Variants in ITPR2 observed in about 807,000 individuals in gnomAD.
ITPR2 encodes inositol 1,4,5-trisphosphate-gated calcium channel ITPR2.
Under a neutral mutation model 317.1 loss-of-function variants are expected in ITPR2, and 207 were observed. The ratio of observed to expected loss-of-function variants is 0.65; its 90% CI spans 0.58 to 0.73. The LOEUF (loss-of-function observed/expected upper bound fraction) is 0.73. ITPR2 is among the 30% of genes least tolerant of loss of function. ITPR2 has a pLI of 0.00. For synonymous variants in ITPR2, 1,156 were observed against 1,149.1 expected, an observed-to-expected ratio of 1.01 and a Z score of -0.12; for missense variants, 2,613 against 3,284.0, an observed-to-expected ratio of 0.80 and a Z score of 4.99.
At chr12:26,572,993 TTTCATTTA>T (rs1565613017) in intron 34 of ITPR2, among the ~76,000 whole-genome samples, 1 of 150,764 alleles carries the variant, frequency 6.6e-6, no homozygotes, top group African/African-American at 2.4e-5. Flanking sequence ...GAAACTTGGA[TTTCATTTA>T]TTTATTTATT....
intron 1 of ITPR2, among the ~76,000 whole-genome samples, chr12:26,820,088 G>A (rs1950916621): frequency 6.6e-6 from 1 of 151,946 alleles, no homozygotes; most frequent in Admixed American, 6.6e-5. Context: ...AAAAGAAAAG[G>A]CCATGTACAT....
At chr12:26,497,868 G>A (rs960532938) in intron 37 of ITPR2, among the ~76,000 whole-genome samples, 9 of 152,062 alleles carry the variant, frequency 5.9e-5, no homozygotes, top group South Asian at 4.2e-4. Context: ...ACACCACCAC[G>A]CCTGGCTAAT....
At position 26,340,246 on chromosome 12, in the gene ITPR2, C is replaced by T. The variant is rs1403197018; in HGVS notation, c.7940G>A (p.Arg2647Gln). 3 of 1,611,806 alleles carry T rather than the reference C, an allele frequency of 1.9e-6. No individual in the cohort carries two copies. Among genetic ancestry groups the T allele is most frequent in the Admixed American group, 1.7e-5 (1 of 59,688 alleles). Residue 2647 changes from arginine (R) to glutamine (Q), a missense_variant, in exon 56 of 57, where the codon CGG (arginine) becomes CAG (glutamine). Arg to Gln is a conservative substitution (Grantham distance 43, BLOSUM62 1). Coordinates refer to ENST00000381340, the MANE Select transcript of ITPR2 (RefSeq NM_002223.4). ...NEGDSEQNEI[R>Q]SLQEKLESTM... ...CGATTCCAACTTCTCCTGAAGGCTC[C>T]GAATTTCATTTTGCTCACTGTCGCC...
At chr12:26,423,505 T>C (rs1488687101) in intron 49 of ITPR2, among the ~76,000 whole-genome samples, 1 of 152,136 alleles carries the variant, frequency 6.6e-6, no homozygotes, top group Non-Finnish European at 1.5e-5. Context: ...AAAATCATTG[T>C]AGGTAAGAAG....
At chr12:26,736,451 G>T (rs1229639964) in intron 2 of ITPR2, among the ~76,000 whole-genome samples, 1 of 152,066 alleles carries the variant, frequency 6.6e-6, no homozygotes, top group East Asian at 1.9e-4. Context: ...TATAAGGTCA[G>T]AAAAAAGTCA....
Position 26,763,551 on chromosome 12 carries a change from C to T in ITPR2, c.163+26606G>A, listed in dbSNP as rs114556643. On this transcript the variant is annotated intron_variant, in intron 2 of 56. Transcript: ENST00000381340. Reference sequence around the variant, plus strand: ...GATAGTAGTTATCTTTGTGGTGAAACGGGGGCTTCTAAGTTACTTGCAAGT... The same window carrying T: ...GATAGTAGTTATCTTTGTGGTGAAATGGGGGCTTCTAAGTTACTTGCAAGT... Among the ~76,000 whole-genome samples, 508 of 152,054 alleles carry T rather than the reference C, an allele frequency of 3.3e-3. 3 individuals carry two copies. The highest frequency in any genetic ancestry group is 0.012 in the African/African-American group (478 of 41,498).
chr12:26,743,456 C>T (rs1949269698), intron 2 of ITPR2, among the ~76,000 whole-genome samples: 1 of 152,082 alleles, frequency 6.6e-6, no homozygotes, highest in African/African-American at 2.4e-5. Flanking sequence ...TGTATTTCAG[C>T]AGATATTTTA....
chr12:26,644,988 C>T (rs545260482), intron 21 of ITPR2, among the ~76,000 whole-genome samples: 1 of 152,258 alleles, frequency 6.6e-6, no homozygotes, highest in South Asian at 2.1e-4. Flanking sequence ...AAGGCTCAGC[C>T]CCCTCACCCT....
intron 35 of ITPR2, among the ~76,000 whole-genome samples, chr12:26,558,609 C>T (rs1221417696): frequency 6.6e-6 from 1 of 152,338 alleles, no homozygotes; most frequent in East Asian, 1.9e-4. Context: ...ACTTCTATGA[C>T]ATCACACTTT....
At position 26,647,507 on chromosome 12, in the gene ITPR2, A is replaced by G. The variant is rs568203387; in HGVS notation, c.2740+6469T>C. On this transcript the variant is annotated intron_variant, in intron 21 of 56. Transcript: ENST00000381340. ...AAGTATAAAACAGATGTATGCTTCT[A>G]AAAGTGAAATGTTTGCAAAGAATAT... is the stretch of plus-strand genomic sequence containing the variant. Among the ~76,000 whole-genome samples the G allele has an allele frequency of 1.1e-4, 17 of 152,388 alleles. No individual in the cohort carries two copies. In the South Asian group the frequency reaches 3.3e-3, roughly 30 times the overall value.
intron 26 of ITPR2, among the ~76,000 whole-genome samples, chr12:26,619,036 C>CT (rs1047799125): frequency 7.9e-5 from 12 of 152,184 alleles, no homozygotes; most frequent in Admixed American, 3.3e-4. Flanking sequence ...TGGCAATACT[C>CT]TATTTCTTAA....
At chr12:26,701,913 T>G (rs1948451758) in intron 9 of ITPR2, among the ~76,000 whole-genome samples, 1 of 152,192 alleles carries the variant, frequency 6.6e-6, no homozygotes, top group African/African-American at 2.4e-5. Context: ...TTGATCTATA[T>G]TGCTTTGGAA....
At chr12:26,607,607 T>C (rs1405647754) in intron 26 of ITPR2, among the ~76,000 whole-genome samples, 2 of 152,188 alleles carry the variant, frequency 1.3e-5, no homozygotes, top group Non-Finnish European at 2.9e-5. Context: ...CTAAGGCTGC[T>C]TGAAGGCTTG....
intron 35 of ITPR2, among the ~76,000 whole-genome samples, chr12:26,556,656 T>G (rs1326993473): frequency 6.7e-6 from 1 of 149,662 alleles, no homozygotes; most frequent in Admixed American, 6.7e-5. Context: ...TATACACCTA[T>G]AGAGGAAAAG....
At chr12:26,441,644 C>T (rs555309690) in intron 46 of ITPR2, among the ~76,000 whole-genome samples, 1 of 152,118 alleles carries the variant, frequency 6.6e-6, no homozygotes, top group African/African-American at 2.4e-5. Context: ...TCAGCCTGGA[C>T]CACTCCTTTG....
chr12:26,775,933 C>CATATATATATATATATATAT lies in ITPR2; in HGVS notation c.163+14223_163+14224insATATATATATATATATATAT. 9.7e-3 allele frequency among the ~76,000 whole-genome samples: 825 copies of CATATATATATATATATATAT among 85,334 alleles called. 67 individuals are homozygous for CATATATATATATATATATAT. The highest frequency in any genetic ancestry group is 0.019 in the African/African-American group (602 of 32,070). The allele number at this position is 85,334 out of a possible 152,430, so 56.0% of individuals were successfully genotyped here. A position where few individuals can be genotyped will look rare whatever the true frequency, so the allele number is the denominator to read the frequency against. On this transcript the variant is annotated intron_variant, in intron 2 of 56. Transcript: ENST00000381340. Reference sequence around the variant, plus strand: ...ATACCACTTAATAAACTCCCCTTTACATATATATATATATGTATATGTATA... The same window carrying CATATATATATATATATATAT: ...ATACCACTTAATAAACTCCCCTTTACATATATATATATATATATATATATATATATATATGTATATGTATA...
intron 45 of ITPR2, among the ~76,000 whole-genome samples, chr12:26,474,650 C>A (rs1190377418): frequency 1.3e-5 from 2 of 151,428 alleles, no homozygotes; most frequent in African/African-American, 4.8e-5. Context: ...AAAAATTAGC[C>A]GGGCGTAGTG....
intron 14 of ITPR2, 51 bp from the exon 15 acceptor site, chr12:26,663,897 AC>A: frequency 6.9e-7 from 1 of 1,458,830 alleles, no homozygotes; most frequent in Non-Finnish European, 9.2e-7. Flanking sequence ...ATGTTTTGCA[AC>A]CTTTTTTTTT....
In ITPR2 at chr12:26,622,205, T is replaced by C. The variant is rs371530667; in HGVS notation, c.3288+35A>G. The C allele has an allele frequency of 1.2e-5, 19 of 1,577,876 alleles. No homozygotes were observed. In the African/African-American group the frequency reaches 2.2e-4, roughly 18 times the overall value. On this transcript the variant is annotated intron_variant, in intron 25 of 56. Coordinates refer to ENST00000381340, the MANE Select transcript of ITPR2 (RefSeq NM_002223.4). The stretch of plus-strand genomic sequence containing the variant: ...GATGTTATTAACACTTTCAGAGCTT[T>C]TGCTGTGGATGCATTGAGGGCTCTT...
Sources: allele counts gnomAD v4.1 joint callset (sites outside exome capture counted in the v4.1 genomes callset), GRCh38; gene constraint gnomAD v4.1.1; transcripts MANE v1.5; gene names NCBI Gene and HGNC (gene_info 2026-07-23, HGNC 2026-07-21).